The following HPSE2 variants were observed in gnomAD, a reference collection of about 807,000 sequenced individuals.
The protein encoded by HPSE2 is inactive heparanase-2.
Under a neutral mutation model 60.5 loss-of-function variants are expected in HPSE2, and 38 were observed. The ratio of observed to expected loss-of-function variants is 0.63; its 90% CI spans 0.48 to 0.82. The LOEUF (loss-of-function observed/expected upper bound fraction) is 0.82, where lower values mean the gene tolerates loss of function less well. Among genes scored for constraint, HPSE2 ranks in the 40% least tolerant of loss-of-function variants. The probability of loss-of-function intolerance (pLI) is 0.00; values close to 1 mark genes in which losing one functional copy is unlikely to be tolerated. For missense variants in HPSE2, 713 were observed against 740.4 expected (o/e 0.96, Z 0.43); for synonymous variants, 295 against 293.2 (o/e 1.01, Z -0.06).
chr10:98,912,512 G>A (rs1294327585), intron 3 of HPSE2, among the ~76,000 whole-genome samples: 2 of 152,168 alleles, frequency 1.3e-5, no homozygotes, highest in Non-Finnish European at 1.5e-5. Context: ...TTGCAGCACT[G>A]TTCACAATAG....
chr10:98,619,893 AG>A (rs2133984773), intron 8 of HPSE2, among the ~76,000 whole-genome samples: 2 of 152,368 alleles, frequency 1.3e-5, no homozygotes, highest in South Asian at 4.1e-4. Flanking sequence ...GAAGAAAGGC[AG>A]GTGGTCTACT....
intron 6 of HPSE2, among the ~76,000 whole-genome samples, chr10:98,658,469 TGGGC>T (rs1947136034): frequency 6.6e-6 from 1 of 152,192 alleles, no homozygotes; most frequent in Admixed American, 6.5e-5. Context: ...AAACCCATGA[TGGGC>T]AGGATTGGTA....
chr10:99,299,814 G>A, the HPSE2 span, among the ~76,000 whole-genome samples: 2 of 152,032 alleles, frequency 1.3e-5, no homozygotes, highest in Admixed American at 6.6e-5. Context: ...TCTATTTCAG[G>A]GCTGTTTAGT....
At chr10:98,710,226 C>CCT (rs974114771) in intron 5 of HPSE2, among the ~76,000 whole-genome samples, 1 of 151,752 alleles carries the variant, frequency 6.6e-6, no homozygotes. Flanking sequence ...GAAATATTGA[C>CCT]CTCTCTCTCT....
intron 3 of HPSE2, among the ~76,000 whole-genome samples, chr10:98,936,562 C>T (rs1439214090): frequency 7.0e-6 from 1 of 143,486 alleles, no homozygotes; most frequent in African/African-American, 2.8e-5. Flanking sequence ...CGTGCACTTC[C>T]CAGGTGAAGT....
At chr10:98,578,879 C>T (rs1342727683) in intron 9 of HPSE2, among the ~76,000 whole-genome samples, 2 of 152,130 alleles carry the variant, frequency 1.3e-5, no homozygotes, top group East Asian at 1.9e-4. Context: ...AGCTCAGTTA[C>T]CCCTTAAAAT....
intron 3 of HPSE2, among the ~76,000 whole-genome samples, chr10:98,760,779 CAGCTTTGGTATCAGGTCTTTGATATG>C (rs1229550696): frequency 3.3e-5 from 5 of 151,974 alleles, no homozygotes; most frequent in Non-Finnish European, 5.9e-5. Context: ...TGACCTTGTC[CAGCTTTGGTATCAGGTCTTTGATATG>C]AGCTTTGGTA....
intron 9 of HPSE2, among the ~76,000 whole-genome samples, chr10:98,515,304 A>G (rs1172999634): frequency 6.6e-6 from 1 of 152,184 alleles, no homozygotes; most frequent in Non-Finnish European, 1.5e-5. Flanking sequence ...TCTCTGCTTA[A>G]GCTACCTACA....
intron 3 of HPSE2, among the ~76,000 whole-genome samples, chr10:98,815,734 G>A (rs1279646334): frequency 6.6e-6 from 1 of 152,110 alleles, no homozygotes; most frequent in Non-Finnish European, 1.5e-5. Context: ...AGAAAATGAT[G>A]TGATGGTTTG....
intron 9 of HPSE2, among the ~76,000 whole-genome samples, chr10:98,612,860 A>T (rs1049575513): frequency 6.6e-6 from 1 of 151,706 alleles, no homozygotes; most frequent in African/African-American, 2.4e-5. Flanking sequence ...CTACAGGTCA[A>T]CTCCTTTCAG....
intron 2 of HPSE2, among the ~76,000 whole-genome samples, chr10:99,226,265 A>G (rs17111315): frequency 0.037 from 5,576 of 151,956 alleles, 304 homozygotes; most frequent in African/African-American, 0.11. Flanking sequence ...ATTCAACTCT[A>G]CTTTTCTTGT....
chr10:99,080,149 T>A lies in HPSE2; in HGVS notation c.610+64089A>T, dbSNP rs553323195. 3.3e-5 allele frequency among the ~76,000 whole-genome samples: 5 copies of A among 152,318 alleles called. No individual in the cohort carries two copies. In the South Asian group the frequency reaches 8.3e-4, roughly 25 times the overall value. On this transcript the variant is annotated intron_variant, in intron 3 of 11. Transcript: ENST00000370552. The stretch of plus-strand genomic sequence containing the variant: ...TGTTTTGCTGTTAAACAGATGTGTT[T>A]GTGCAGGAAAGGAGAGTCTAGAGCT...
At chr10:98,940,229 A>C (rs1954947724) in intron 3 of HPSE2, among the ~76,000 whole-genome samples, 1 of 143,826 alleles carries the variant, frequency 7.0e-6, no homozygotes, top group Admixed American at 6.9e-5. Context: ...AAATAACTAA[A>C]ACCAGAGCAG....
At chr10:98,523,635 C>A (rs7902943) in intron 9 of HPSE2, among the ~76,000 whole-genome samples, 1 of 152,154 alleles carries the variant, frequency 6.6e-6, no homozygotes, top group Non-Finnish European at 1.5e-5. Flanking sequence ...AACTCTCATA[C>A]AAAATAAGCT....
At chr10:98,949,121 C>T (rs1955275876) in intron 3 of HPSE2, among the ~76,000 whole-genome samples, 1 of 152,010 alleles carries the variant, frequency 6.6e-6, no homozygotes, top group Admixed American at 6.6e-5. Flanking sequence ...ACAGATAAGA[C>T]TATTCCTTTC....
chr10:98,750,236 T>G (rs773638561), intron 3 of HPSE2, among the ~76,000 whole-genome samples: 13 of 152,072 alleles, frequency 8.5e-5, no homozygotes, highest in Non-Finnish European at 1.6e-4. Context: ...CATGTGAGAC[T>G]GATGAATGTG....
intron 3 of HPSE2, among the ~76,000 whole-genome samples, chr10:99,047,413 C>A (rs891833218): frequency 2.0e-5 from 3 of 152,060 alleles, no homozygotes; most frequent in African/African-American, 7.2e-5. Context: ...TTGGTCTAGG[C>A]AAAGAATTTT....
intron 2 of HPSE2, among the ~76,000 whole-genome samples, chr10:99,199,561 C>A (rs1184600779): frequency 1.3e-5 from 2 of 152,098 alleles, no homozygotes. Flanking sequence ...ATATTTATGG[C>A]ACCCTTGTCA....
At chr10:98,940,909 G>T (rs1954976738) in intron 3 of HPSE2, among the ~76,000 whole-genome samples, 1 of 130,224 alleles carries the variant, frequency 7.7e-6, no homozygotes, top group Non-Finnish European at 1.6e-5. Context: ...TTCATCCCTG[G>T]GATGCAAGGC....
Sources: allele counts gnomAD v4.1 joint callset (sites outside exome capture counted in the v4.1 genomes callset), GRCh38; gene constraint gnomAD v4.1.1; transcripts MANE v1.5; gene names NCBI Gene and HGNC (gene_info 2026-07-23, HGNC 2026-07-21).